HPSE2: variants seen among roughly 807,000 people sequenced by gnomAD.
HPSE2 encodes the protein inactive heparanase-2.
HPSE2 carries 38 observed loss-of-function variants against 60.5 expected under a neutral mutation model. That is an observed-to-expected ratio of 0.63 (90% CI 0.48 to 0.82). HPSE2 has a LOEUF of 0.82. HPSE2 is among the 40% of genes least tolerant of loss of function. HPSE2 has a pLI of 0.00. For missense variants in HPSE2, 713 were observed against 740.4 expected (o/e 0.96, Z 0.43); for synonymous variants, 295 against 293.2 (o/e 1.01, Z -0.06).
intron 3 of HPSE2, among the ~76,000 whole-genome samples, chr10:98,913,352 CA>C (rs1954032937): frequency 6.6e-6 from 1 of 152,114 alleles, no homozygotes; most frequent in Non-Finnish European, 1.5e-5. Flanking sequence ...TATTGAAAGT[CA>C]ATCAACACTT....
At chr10:99,145,034 G>C (rs1045840201) in intron 2 of HPSE2, among the ~76,000 whole-genome samples, 1 of 152,176 alleles carries the variant, frequency 6.6e-6, no homozygotes, top group Non-Finnish European at 1.5e-5. Context: ...AGCACAGGAG[G>C]TCTAGAGTCA....
chr10:98,980,485 T>A (rs976681534), intron 3 of HPSE2, among the ~76,000 whole-genome samples: 2 of 152,070 alleles, frequency 1.3e-5, no homozygotes, highest in Non-Finnish European at 2.9e-5. Context: ...AGCAAATTTA[T>A]AGACAAAAAA....
At chr10:98,865,808 GGAGTACTCA>G (rs1288425404) in intron 3 of HPSE2, among the ~76,000 whole-genome samples, 5 of 152,034 alleles carry the variant, frequency 3.3e-5, no homozygotes, top group Non-Finnish European at 7.4e-5. Flanking sequence ...GGCATTAGAC[GGAGTACTCA>G]GAGAGGTCTT....
intron 3 of HPSE2, among the ~76,000 whole-genome samples, chr10:98,973,515 T>C (rs1284263551): frequency 6.6e-6 from 1 of 152,172 alleles, no homozygotes; most frequent in Non-Finnish European, 1.5e-5. Context: ...AACACCTTTG[T>C]CTCCAAAGGT....
At chr10:98,854,793 A>G (rs1952268422) in intron 3 of HPSE2, among the ~76,000 whole-genome samples, 2 of 152,220 alleles carry the variant, frequency 1.3e-5, no homozygotes. Context: ...CTGTACTTGT[A>G]GATTTAGTTT....
intron 5 of HPSE2, among the ~76,000 whole-genome samples, chr10:98,705,056 T>A (rs1009421446): frequency 7.9e-5 from 12 of 151,984 alleles, no homozygotes; most frequent in South Asian, 2.1e-4. Context: ...CTTAAACAAA[T>A]TTACAAGAAA....
chr10:99,026,667 C>T lies in HPSE2; in HGVS notation c.610+117571G>A, dbSNP rs949884776. Among the ~76,000 whole-genome samples the T allele has an allele frequency of 5.3e-5, 8 of 152,132 alleles. No homozygotes were observed. The South Asian group carries it at 8.3e-4, about 16-fold the overall frequency. ...CATTTTATTCAACAGCTGCAGAATA[C>T]GCATTATTTTCCTCAGCACATGGAT... On this transcript the variant is annotated intron_variant, in intron 3 of 11. Coordinates refer to ENST00000370552, the MANE Select transcript of HPSE2 (RefSeq NM_021828.5).
rs2133986380 is a variant in HPSE2 at position 98,620,688 on chromosome 10, T to C, written c.1119A>G (p.Pro373=). 1 of 1,613,744 alleles carries C rather than the reference T, an allele frequency of 6.2e-7. No individual in the cohort carries two copies. The highest frequency in any genetic ancestry group is 8.5e-7 in the Non-Finnish European group (1 of 1,179,692). ...KIQKVVNTYT[P]GKKIWLEGVV... is the part of the protein sequence containing the mutation. ...CACCTTCAAGCCAAATCTTCTTTCC[T>C]GGAGTGTATGTATTAACCACCTGTT... Residue 373 remains proline (P), a synonymous_variant, in exon 8 of 12, where the codon CCA becomes CCG. Coordinates refer to ENST00000370552, the MANE Select transcript of HPSE2 (RefSeq NM_021828.5).
At chr10:99,260,096 T>C in the HPSE2 span, among the ~76,000 whole-genome samples, 4 of 152,320 alleles carry the variant, frequency 2.6e-5, no homozygotes, top group South Asian at 2.1e-4. Context: ...TTGTTACTGA[T>C]GGTAAGTAAA....
chr10:98,676,026 C>T (rs1312005542), intron 6 of HPSE2, among the ~76,000 whole-genome samples: 4 of 148,370 alleles, frequency 2.7e-5, no homozygotes, highest in East Asian at 2.0e-4. Flanking sequence ...CAGAGTAAAA[C>T]GCTGCCTCAA....
chr10:98,581,428 A>C (rs1944795387), intron 9 of HPSE2, among the ~76,000 whole-genome samples: 1 of 152,158 alleles, frequency 6.6e-6, no homozygotes, highest in African/African-American at 2.4e-5. Context: ...AGATTTGATA[A>C]AAATTTACCT....
chr10:98,582,654 C>T (rs1944832151), intron 9 of HPSE2, among the ~76,000 whole-genome samples: 2 of 152,162 alleles, frequency 1.3e-5, no homozygotes, highest in Non-Finnish European at 2.9e-5. Context: ...GTTTTGCTCT[C>T]TGCAGTCAGT....
At chr10:98,814,392 G>C (rs904796093) in intron 3 of HPSE2, among the ~76,000 whole-genome samples, 7 of 152,012 alleles carry the variant, frequency 4.6e-5, no homozygotes, top group African/African-American at 1.7e-4. Flanking sequence ...CTATTTCTCT[G>C]TTCCATGTCA....
chr10:99,118,501 C>T (rs1280332158), intron 3 of HPSE2, among the ~76,000 whole-genome samples: 3 of 118,984 alleles, frequency 2.5e-5, no homozygotes, highest in Admixed American at 2.2e-4. Context: ...CCAGCCTGAG[C>T]AACAGAGCAA....
At chr10:99,084,125 G>T (rs1463532978) in intron 3 of HPSE2, among the ~76,000 whole-genome samples, 2 of 152,068 alleles carry the variant, frequency 1.3e-5, no homozygotes, top group South Asian at 2.1e-4. Flanking sequence ...AGACTTGTTT[G>T]TCTTGTGCCC....
At chr10:99,290,551 C>T in the HPSE2 span, among the ~76,000 whole-genome samples, 6 of 152,054 alleles carry the variant, frequency 3.9e-5, no homozygotes, top group African/African-American at 1.4e-4. Context: ...ATCAGTGGAG[C>T]GAAAAGCCTG....
chr10:99,094,431 TG>T (rs1224805896), intron 3 of HPSE2, among the ~76,000 whole-genome samples: 1 of 148,830 alleles, frequency 6.7e-6, no homozygotes, highest in Non-Finnish European at 1.5e-5. Context: ...TTCATACTTT[TG>T]ATGTCTACTT....
chr10:98,867,134 C>G (rs1952607423), intron 3 of HPSE2, among the ~76,000 whole-genome samples: 1 of 152,056 alleles, frequency 6.6e-6, no homozygotes, highest in African/African-American at 2.4e-5. Context: ...CCTTAGTAAT[C>G]TCCTTGATTT....
intron 7 of HPSE2, among the ~76,000 whole-genome samples, chr10:98,633,928 G>A (rs1480728799): frequency 6.6e-6 from 1 of 152,088 alleles, no homozygotes; most frequent in African/African-American, 2.4e-5. Context: ...TCATCCTAAT[G>A]TAGAATGAAA....
Sources: gnomAD v4.1 joint callset for allele counts (sites outside exome capture counted in the v4.1 genomes callset) on GRCh38, gnomAD v4.1.1 for gene constraint, MANE v1.5 for transcripts, NCBI Gene and HGNC (gene_info 2026-07-23, HGNC 2026-07-21) for gene names.